The following ITPR2 variants were observed in gnomAD, a reference collection of about 807,000 sequenced individuals.
ITPR2 encodes inositol 1,4,5-trisphosphate receptor type 2.
Under a neutral mutation model 317.1 loss-of-function variants are expected in ITPR2, and 207 were observed. The ratio of observed to expected loss-of-function variants is 0.65; its 90% CI spans 0.58 to 0.73. The LOEUF (loss-of-function observed/expected upper bound fraction) is 0.73. Among genes scored for constraint, ITPR2 ranks in the 30% least tolerant of loss-of-function variants. ITPR2 has a pLI of 0.00. For missense variants in ITPR2, 2,613 were observed against 3,284.0 expected (o/e 0.80, Z 4.99); for synonymous variants, 1,156 against 1,149.1 (o/e 1.01, Z -0.12).
chr12:26,701,704 T>C (rs1402008993), intron 9 of ITPR2, among the ~76,000 whole-genome samples: 1 of 152,190 alleles, frequency 6.6e-6, no homozygotes, highest in Non-Finnish European at 1.5e-5. Flanking sequence ...CCAATAGTCA[T>C]AAAATCCTAT....
Position 26,682,656 on chromosome 12 carries a change from A to G in ITPR2, c.1166T>C (p.Leu389Ser). 6.2e-7 allele frequency: 1 copy of G among 1,612,004 alleles called. No homozygotes were observed. Among genetic ancestry groups the G allele is most frequent in the South Asian group, 1.1e-5 (1 of 90,886 alleles). Residue 389 changes from leucine (L) to serine (S), a missense_variant, in exon 12 of 57, where the codon TTA becomes TCA. Physicochemically the swap from Leu to Ser is moderately radical, Grantham distance 145 (BLOSUM62 -2). Coordinates refer to ENST00000381340, the MANE Select transcript of ITPR2 (RefSeq NM_002223.4). ...CCATGTGTTGGTGCATAAATGCCTT[A>G]ACCGAACATATGAGTTCCTAAAAGC... is the stretch of plus-strand genomic sequence containing the variant. ...CLVPRNSYVR[L>S]RHLCTNTWVT...
intron 24 of ITPR2, among the ~76,000 whole-genome samples, chr12:26,622,624 C>T (rs1462286540): frequency 6.6e-6 from 1 of 152,148 alleles, no homozygotes; most frequent in Non-Finnish European, 1.5e-5. Flanking sequence ...GATCAAACAT[C>T]CCGGTTTATC....
At chr12:26,734,355 G>A (rs758270080) in intron 2 of ITPR2, among the ~76,000 whole-genome samples, 3 of 152,106 alleles carry the variant, frequency 2.0e-5, no homozygotes, top group Non-Finnish European at 4.4e-5. Flanking sequence ...ACGTTCTCTG[G>A]TTTCAAATTC....
chr12:26,526,633 A>T (rs1222866523), intron 37 of ITPR2, among the ~76,000 whole-genome samples: 1 of 152,218 alleles, frequency 6.6e-6, no homozygotes, highest in East Asian at 1.9e-4. Flanking sequence ...ACTCTATGAA[A>T]AAAAAAGATT....
chr12:26,403,111 G>A (rs1940235092), intron 52 of ITPR2, among the ~76,000 whole-genome samples: 1 of 152,164 alleles, frequency 6.6e-6, no homozygotes, highest in South Asian at 2.1e-4. Flanking sequence ...TTGAAAGAGG[G>A]TCATGATTGG....
intron 32 of ITPR2, among the ~76,000 whole-genome samples, chr12:26,592,826 G>A (rs912709776): frequency 3.9e-5 from 6 of 152,198 alleles, no homozygotes; most frequent in Non-Finnish European, 4.4e-5. Flanking sequence ...GTCAACTACT[G>A]TTGTGGATGT....
intron 46 of ITPR2, 85 bp from the exon 47 acceptor site, chr12:26,439,404 G>T: frequency 1.0e-6 from 1 of 971,898 alleles, no homozygotes; most frequent in Non-Finnish European, 1.5e-6. Context: ...AGTTTACTGA[G>T]AATGTTTTAT....
chr12:26,670,611 A>AG (rs1363831086), intron 13 of ITPR2, among the ~76,000 whole-genome samples: 1 of 152,196 alleles, frequency 6.6e-6, no homozygotes, highest in African/African-American at 2.4e-5. Context: ...AAAACAGAGC[A>AG]GAAAAACTGG....
chr12:26,486,973 C>G, intron 40 of ITPR2, 95 bp downstream of exon 40: 1 of 1,267,492 alleles, frequency 7.9e-7, no homozygotes, highest in East Asian at 2.3e-5. Flanking sequence ...ATAATTAAAC[C>G]AAGAGAAGAG....
chr12:26,788,815 TTC>T (rs1950299095), intron 2 of ITPR2, among the ~76,000 whole-genome samples: 2 of 152,218 alleles, frequency 1.3e-5, no homozygotes, highest in South Asian at 4.1e-4. Context: ...AGAGCCCTAA[TTC>T]TCTCCTCATC....
chr12:26,553,051 G>C (rs920752033), intron 36 of ITPR2, among the ~76,000 whole-genome samples: 2 of 152,166 alleles, frequency 1.3e-5, no homozygotes, highest in South Asian at 4.1e-4. Flanking sequence ...ACCTGTGTGG[G>C]AGTGTGTGTA....
intron 34 of ITPR2, among the ~76,000 whole-genome samples, chr12:26,568,015 T>TATATATATTATATATA (rs1565609921): frequency 1.2e-5 from 1 of 84,944 alleles, no homozygotes; most frequent in Admixed American, 1.5e-4. Flanking sequence ...ATTATATATA[T>TATATATATTATATATA]ATATATATAT....
chr12:26,716,280 T>A, intron 5 of ITPR2, 38 bp from the exon 6 acceptor site: 1 of 1,306,076 alleles, frequency 7.7e-7, no homozygotes, highest in African/African-American at 1.5e-5. Flanking sequence ...AGACACTGCA[T>A]GGATCTTTGG....
At chr12:26,674,321 C>T (rs1446218625) in intron 13 of ITPR2, among the ~76,000 whole-genome samples, 3 of 152,170 alleles carry the variant, frequency 2.0e-5, no homozygotes, top group Non-Finnish European at 4.4e-5. Context: ...GTAACCAAAA[C>T]AGCATGGTAC....
At chr12:26,625,735 G>A (rs1416138551) in intron 23 of ITPR2, among the ~76,000 whole-genome samples, 1 of 152,046 alleles carries the variant, frequency 6.6e-6, no homozygotes, top group Non-Finnish European at 1.5e-5. Flanking sequence ...ATAAATGGGA[G>A]GATAATTCTT....
chr12:26,693,596 G>C (rs1255841840), intron 10 of ITPR2, among the ~76,000 whole-genome samples: 1 of 152,112 alleles, frequency 6.6e-6, no homozygotes, highest in African/African-American at 2.4e-5. Flanking sequence ...CTAAGTGCCA[G>C]GTAAATACTT....
At chr12:26,440,763 A>C (rs1941469044) in intron 46 of ITPR2, among the ~76,000 whole-genome samples, 1 of 152,114 alleles carries the variant, frequency 6.6e-6, no homozygotes, top group Non-Finnish European at 1.5e-5. Context: ...AATATTTTTA[A>C]AAAATCTCAG....
intron 2 of ITPR2, among the ~76,000 whole-genome samples, chr12:26,784,723 C>T (rs1209084622): frequency 1.3e-5 from 2 of 151,492 alleles, no homozygotes; most frequent in South Asian, 2.1e-4. Flanking sequence ...CTGCCTTGGC[C>T]CCCCAAAGTG....
intron 45 of ITPR2, among the ~76,000 whole-genome samples, chr12:26,474,558 C>G (rs938573509): frequency 6.6e-6 from 1 of 152,036 alleles, no homozygotes; most frequent in Admixed American, 6.5e-5. Flanking sequence ...CTTTGGGAGG[C>G]CGAGGCGGGC....
Sources: allele counts gnomAD v4.1 joint callset (sites outside exome capture counted in the v4.1 genomes callset), GRCh38; gene constraint gnomAD v4.1.1; transcripts MANE v1.5; gene names NCBI Gene and HGNC (gene_info 2026-07-23, HGNC 2026-07-21).